CD58: variants seen among roughly 807,000 people sequenced by gnomAD.
CD58 encodes the protein CD58 molecule, also known as lymphocyte function-associated antigen 3.
In CD58, 14 loss-of-function variants were observed where a neutral mutation model predicts 27.6. The ratio of observed to expected loss-of-function variants is 0.51; its 90% CI spans 0.34 to 0.79. The LOEUF (loss-of-function observed/expected upper bound fraction) is 0.79. Ranked by LOEUF, CD58 falls within the 30% of genes least tolerant of loss-of-function variation. The pLI is 0.02. For synonymous variants in CD58, 117 were observed against 103.8 expected, an observed-to-expected ratio of 1.13 and a Z score of -0.77; for missense variants, 268 against 301.7, an observed-to-expected ratio of 0.89 and a Z score of 0.83.
chr1:116,559,218 C>G lies in CD58; in HGVS notation c.70+11685G>C, dbSNP rs1463678057. 6.6e-6 allele frequency among the ~76,000 whole-genome samples: 1 copy of G among 152,094 alleles called. No individual in the cohort carries two copies. Among genetic ancestry groups the G allele is most frequent in the Non-Finnish European group, 1.5e-5 (1 of 68,022 alleles). On this transcript the variant is annotated intron_variant, in intron 1 of 5. Coordinates refer to ENST00000369489, the MANE Select transcript of CD58 (RefSeq NM_001779.3). The surrounding 1 kb of genome is among the most constrained non-coding windows in gnomAD (Gnocchi z 4.4). ...AGCAGGGGAGCGAGCCTAAGAACAT[C>G]TGGGGTGAGAGTGAGAAAGGAGTTA...
At chr1:116,544,825 G>A (rs965760373) in intron 1 of CD58, among the ~76,000 whole-genome samples, 1 of 152,202 alleles carries the variant, frequency 6.6e-6, no homozygotes, top group African/African-American at 2.4e-5. Context: ...CATCTGCCAG[G>A]TAGTACGGGC....
At position 116,516,659 on chromosome 1, in the gene CD58, T is replaced by G. The variant is rs1657090085; in HGVS notation, c.744-1837A>C. The stretch of plus-strand genomic sequence containing the variant: ...ATCCCACCTGGAATGCCTTTTCTAC[T>G]CCACTCTTGTTCTGAAAATGTAGGT... On this transcript the variant is annotated intron_variant, in intron 5 of 5. Coordinates refer to ENST00000369489, the MANE Select transcript of CD58 (RefSeq NM_001779.3). The surrounding 1 kb of genome is among the most constrained non-coding windows in gnomAD (Gnocchi z 6.1). Among the ~76,000 whole-genome samples the G allele has an allele frequency of 2.0e-5, 3 of 152,306 alleles. No individual in the cohort carries two copies. Among genetic ancestry groups the G allele is most frequent in the Non-Finnish European group, 2.9e-5 (2 of 68,028 alleles).
chr1:116,525,110 T>C (rs1227878690), intron 3 of CD58, among the ~76,000 whole-genome samples: 1 of 152,258 alleles, frequency 6.6e-6, no homozygotes, highest in African/African-American at 2.4e-5. Flanking sequence ...CATTCAGTTG[T>C]ACATTCTGTG....
intron 2 of CD58, among the ~76,000 whole-genome samples, chr1:116,542,984 T>C (rs1658039954): frequency 6.6e-6 from 1 of 152,164 alleles, no homozygotes; most frequent in Admixed American, 6.5e-5. Context: ...GGAGAGTGGG[T>C]AAGTGAACAG....
At position 116,536,149 on chromosome 1, in the gene CD58, G is replaced by A. The variant is rs34546662; in HGVS notation, c.444C>T (p.Tyr148=). The change falls in exon 3 of 6, where the codon TAC becomes TAT. Residue 148 remains tyrosine, a synonymous_variant. Coordinates refer to ENST00000369489, the MANE Select transcript of CD58 (RefSeq NM_001779.3). This position sits in a 1 kb window ranked among gnomAD's most constrained non-coding sequence, Gnocchi z 5.4. ...IEVQCMIPEH[Y]NSHRGLIMYS... ...ACATTATAAGTCCTCGATGGCTGTTGTAATGCTCTGGTATCATGCATTGGA... is the reference window on the plus strand; with the variant it reads ...ACATTATAAGTCCTCGATGGCTGTTATAATGCTCTGGTATCATGCATTGGA... The A allele has an allele frequency of 4.7e-4, 760 of 1,613,232 alleles. 2 individuals carry two copies. In the African/African-American group the frequency reaches 9.6e-3, roughly 20 times the overall value.
At chr1:116,555,810 T>C (rs1658540164) in intron 1 of CD58, among the ~76,000 whole-genome samples, 1 of 152,212 alleles carries the variant, frequency 6.6e-6, no homozygotes, top group Non-Finnish European at 1.5e-5. Flanking sequence ...TATGGGTTAA[T>C]GAAAAGGAAC....
chr1:116,569,258 C>G (rs1384829868), intron 1 of CD58, among the ~76,000 whole-genome samples: 6 of 152,228 alleles, frequency 3.9e-5, no homozygotes, highest in African/African-American at 1.4e-4. Context: ...CTCCCCAGAG[C>G]TATTTGGGCC....
intron 1 of CD58, among the ~76,000 whole-genome samples, chr1:116,561,649 G>T (rs1444907454): frequency 6.6e-6 from 1 of 152,116 alleles, no homozygotes; most frequent in East Asian, 1.9e-4. Context: ...TTGGATATAA[G>T]AAATCAGTAG....
rs955598393 is a variant in CD58 at position 116,552,841 on chromosome 1, A to G, written c.71-8237T>C. On this transcript the variant is annotated intron_variant, in intron 1 of 5. Transcript: ENST00000369489. This position sits in a 1 kb window ranked among gnomAD's most constrained non-coding sequence, Gnocchi z 4.5. Reference sequence around the variant, plus strand: ...TATGGTTTCATATTTATGTGGGAGTAGAGTGGAGCTGGGAGTTGCTACATC... The same window carrying G: ...TATGGTTTCATATTTATGTGGGAGTGGAGTGGAGCTGGGAGTTGCTACATC... 3.3e-5 allele frequency among the ~76,000 whole-genome samples: 5 copies of G among 152,208 alleles called. No individual in the cohort carries two copies. The highest frequency in any genetic ancestry group is 6.5e-5 in the Admixed American group (1 of 15,280).
At chr1:116,555,030 C>CGAAT (rs1013914875) in intron 1 of CD58, among the ~76,000 whole-genome samples, 30 of 151,876 alleles carry the variant, frequency 2.0e-4, no homozygotes, top group South Asian at 4.2e-4. Flanking sequence ...CATGGATGAA[C>CGAAT]GAATGAATGA....
At position 116,515,581 on chromosome 1, in the gene CD58, A is replaced by T. The variant is rs1220292456; in HGVS notation, c.744-759T>A. On this transcript the variant is annotated intron_variant, in intron 5 of 5. Transcript: ENST00000369489. This position sits in a 1 kb window ranked among gnomAD's most constrained non-coding sequence, Gnocchi z 4.6. ...ATGTTTGTAAACCAGGTTGGCAGGC[A>T]CAGGATTCTTGTTGGGGCAGCTTTT... Among the ~76,000 whole-genome samples the T allele has an allele frequency of 2.6e-5, 4 of 152,162 alleles. No individual in the cohort carries two copies. Among genetic ancestry groups the T allele is most frequent in the South Asian group, 2.1e-4 (1 of 4,838 alleles).
At chr1:116,543,022 A>G (rs2101187535) in intron 2 of CD58, among the ~76,000 whole-genome samples, 1 of 152,366 alleles carries the variant, frequency 6.6e-6, no homozygotes, top group Admixed American at 6.5e-5. Flanking sequence ...TAATTGAGGT[A>G]AGTGATTAGA....
At chr1:116,535,507 T>C (rs1211097554) in intron 3 of CD58, among the ~76,000 whole-genome samples, 2 of 152,210 alleles carry the variant, frequency 1.3e-5, no homozygotes, top group Non-Finnish European at 2.9e-5. Context: ...AAGTGCTAAA[T>C]AATGTTAGCT....
rs1475513920 is a variant in CD58, at chr1:116,521,632, A to C, written c.706+274T>G. ...GAAGTTTAACTATATTTTGAAGCAG[A>C]TCACAGGTAAAAGGAGGCTATGCAA... On this transcript the variant is annotated intron_variant, in intron 4 of 5. Transcript: ENST00000369489. This position sits in a 1 kb window ranked among gnomAD's most constrained non-coding sequence, Gnocchi z 5.6. Among the ~76,000 whole-genome samples the C allele has an allele frequency of 6.6e-6, 1 of 152,174 alleles. No homozygotes were observed. Among genetic ancestry groups the C allele is most frequent in the Non-Finnish European group, 1.5e-5 (1 of 68,042 alleles).
chr1:116,539,899 A>G (rs1238055843), intron 2 of CD58, among the ~76,000 whole-genome samples: 1 of 152,234 alleles, frequency 6.6e-6, no homozygotes, highest in East Asian at 1.9e-4. Flanking sequence ...CAATTAGTCA[A>G]TTTATAATTA....
At chr1:116,518,354 A>C (rs1657153926) in intron 5 of CD58, among the ~76,000 whole-genome samples, 1 of 151,586 alleles carries the variant, frequency 6.6e-6, no homozygotes, top group Admixed American at 6.6e-5. Flanking sequence ...TTATTTCATT[A>C]CTCCACTAAC....
chr1:116,526,333 G>A (rs1005632227), intron 3 of CD58, among the ~76,000 whole-genome samples: 1 of 152,098 alleles, frequency 6.6e-6, no homozygotes, highest in Non-Finnish European at 1.5e-5. Flanking sequence ...TTTACATTTA[G>A]ATCTATGGTC....
chr1:116,546,642 C>T lies in CD58; in HGVS notation c.71-2038G>A, dbSNP rs148792404. Among the ~76,000 whole-genome samples, 27 of 152,240 alleles carry T rather than the reference C, an allele frequency of 1.8e-4. No homozygotes were observed. Among genetic ancestry groups the T allele is most frequent in the East Asian group, 7.7e-4 (4 of 5,184 alleles). On this transcript the variant is annotated intron_variant, in intron 1 of 5. Coordinates refer to ENST00000369489, the MANE Select transcript of CD58 (RefSeq NM_001779.3). The surrounding 1 kb of genome is among the most constrained non-coding windows in gnomAD (Gnocchi z 4.1). ...TATGAGATAAACTGCCATACCCTGG[C>T]GGCATGAAGATGTCTTTTGTCTTTC...
Position 116,515,258 on chromosome 1 carries a change from C to T in CD58, c.744-436G>A, listed in dbSNP as rs981562958. 6.6e-6 allele frequency among the ~76,000 whole-genome samples: 1 copy of T among 152,264 alleles called. No individual in the cohort carries two copies. Among genetic ancestry groups the T allele is most frequent in the African/African-American group, 2.4e-5 (1 of 41,470 alleles). ...CTCTGTGGCAACGACAGAACAATCT[C>T]TGGCTGTCTTGGAGTAAATCAGCCG... On this transcript the variant is annotated intron_variant, in intron 5 of 5. Transcript: ENST00000369489. The surrounding 1 kb of genome is among the most constrained non-coding windows in gnomAD (Gnocchi z 4.6).
Sources: gnomAD v4.1 joint callset for allele counts (sites outside exome capture counted in the v4.1 genomes callset) on GRCh38, gnomAD v4.1.1 for gene constraint, Gnocchi (gnomAD v3.1) non-coding constraint, MANE v1.5 for transcripts, NCBI Gene and HGNC (gene_info 2026-07-23, HGNC 2026-07-21) for gene names.